Variants in PRKACA observed in about 807,000 individuals in gnomAD.
PRKACA encodes protein kinase cAMP-activated catalytic subunit alpha.
PRKACA carries 9 observed loss-of-function variants against 45.8 expected under a neutral mutation model. That is an observed-to-expected ratio of 0.20 (90% CI 0.12 to 0.34). The LOEUF is 0.34. Ranked by LOEUF, PRKACA falls within the 10% of genes least tolerant of loss-of-function variation. The pLI, the probability that PRKACA is intolerant of heterozygous loss-of-function variation, is 1.00. For missense variants in PRKACA, 238 were observed against 458.6 expected, an observed-to-expected ratio of 0.52 and a Z score of 4.39; for synonymous variants, 160 against 178.6, an observed-to-expected ratio of 0.90 and a Z score of 0.83.
chr19:14,107,680 C>A, intron 1 of PRKACA: 1 of 1,279,924 alleles, frequency 7.8e-7, no homozygotes, highest in Non-Finnish European at 9.9e-7. Flanking sequence ...CCCAGGCAGA[C>A]CAGCCCACCC....
intron 1 of PRKACA, among the ~76,000 whole-genome samples, chr19:14,115,543 G>C (rs1967089105): frequency 6.6e-6 from 1 of 152,144 alleles, no homozygotes; most frequent in Non-Finnish European, 1.5e-5. Context: ...AAAGTCACCA[G>C]AGTAGGTATC....
At position 14,097,116 on chromosome 19, in the gene PRKACA, T is replaced by G; in HGVS notation, c.765+245A>C. ...GGCGGTTTGTGTTCTGTGGCCAAGA[T>G]GTTCCCGTGAGGCTCGGGATTTTGG... On this transcript the variant is annotated intron_variant, in intron 8 of 9. Coordinates refer to ENST00000308677, the MANE Select transcript of PRKACA (RefSeq NM_002730.4). This position sits in a 1 kb window ranked among gnomAD's most constrained non-coding sequence, Gnocchi z 5.4. The G allele has an allele frequency of 1.9e-6, 1 of 539,898 alleles. No homozygotes were observed. The highest frequency in any genetic ancestry group is 2.0e-5 in the South Asian group (1 of 50,308). The allele number at this position is 539,898 out of a possible 1,614,324, so 33.4% of individuals were successfully genotyped here.
In PRKACA at chr19:14,117,559, C is replaced by A; in HGVS notation, c.-12G>T. On this transcript the variant is annotated 5_prime_UTR_variant, in exon 1 of 10. Transcript: ENST00000308677. Reference sequence around the variant, plus strand: ...GCGGCGTTGCCCATCGCGGCGGCGGCGGCCGGGGCCGGTCCCGGAGCTGCG... The same window carrying A: ...GCGGCGTTGCCCATCGCGGCGGCGGAGGCCGGGGCCGGTCCCGGAGCTGCG... The A allele has an allele frequency of 8.5e-7, 1 of 1,170,606 alleles. No individual in the cohort carries two copies. The highest frequency in any genetic ancestry group is 1.1e-6 in the Non-Finnish European group (1 of 948,016). The allele number at this position is 1,170,606 out of a possible 1,614,324, so 72.5% of individuals were successfully genotyped here. A position where few individuals can be genotyped will look rare whatever the true frequency, so the allele number is the denominator to read the frequency against.
intron 2 of PRKACA, among the ~76,000 whole-genome samples, 196 bp from the exon 3 acceptor site, chr19:14,107,084 G>C (rs1168124468): frequency 6.8e-6 from 1 of 147,074 alleles, no homozygotes; most frequent in Middle Eastern, 3.3e-3. Context: ...GCCAGATCCG[G>C]CCCTGGCCTG....
intron 8 of PRKACA, among the ~76,000 whole-genome samples, chr19:14,095,607 C>G (rs1341734680): frequency 1.3e-5 from 2 of 152,086 alleles, no homozygotes; most frequent in East Asian, 3.9e-4. Flanking sequence ...CAACCTCTGT[C>G]TCCCGGGTTC....
At chr19:14,113,195 C>T (rs138485341) in intron 1 of PRKACA, among the ~76,000 whole-genome samples, 66 of 151,914 alleles carry the variant, frequency 4.3e-4, no homozygotes, top group African/African-American at 1.5e-3. Flanking sequence ...CGGAAACGAG[C>T]GGCTAAACCC....
chr19:14,100,306 T>TC, intron 5 of PRKACA, among the ~76,000 whole-genome samples: 1 of 151,264 alleles, frequency 6.6e-6, no homozygotes, highest in Non-Finnish European at 1.5e-5. Context: ...CAACTTCAAT[T>TC]TTTTTTTTTG....
In PRKACA at chr19:14,093,241, G is replaced by A; in HGVS notation, c.931-4C>T. On this transcript the variant is annotated splice_region_variant and splice_polypyrimidine_tract_variant and intron_variant, in intron 9 of 9. Transcript: ENST00000308677. Reference sequence around the variant, plus strand: ...TTGGTATGAAGGGAGCTTCCACCTGGAGAGGGATCAAGAATCACCCAGACC... The same window carrying A: ...TTGGTATGAAGGGAGCTTCCACCTGAAGAGGGATCAAGAATCACCCAGACC... 1.9e-6 allele frequency: 3 copies of A among 1,611,344 alleles called. No homozygotes were observed. Among genetic ancestry groups the A allele is most frequent in the Non-Finnish European group, 2.5e-6 (3 of 1,179,086 alleles).
intron 1 of PRKACA, chr19:14,108,271 T>C (rs1276284910): frequency 9.7e-6 from 5 of 516,170 alleles, no homozygotes; most frequent in Non-Finnish European, 1.2e-5. Context: ...TCAGTTTTCC[T>C]CATCTGTAAA....
chr19:14,095,611 C>T (rs903372330), intron 8 of PRKACA, among the ~76,000 whole-genome samples: 8 of 152,030 alleles, frequency 5.3e-5, no homozygotes, highest in African/African-American at 1.5e-4. Flanking sequence ...CTCTGTCTCC[C>T]GGGTTCAAGC....
At chr19:14,107,809 T>A (rs1599346476) in intron 1 of PRKACA, 7 of 1,000,700 alleles carry the variant, frequency 7.0e-6, no homozygotes, top group Non-Finnish European at 8.3e-6. Flanking sequence ...GGGCCTGGGA[T>A]GGAGGCCTCG....
Position 14,117,623 on chromosome 19 carries a change from G to C in PRKACA, c.-76C>G. 2 of 887,998 alleles carry C rather than the reference G, an allele frequency of 2.3e-6. No homozygotes were observed. The highest frequency in any genetic ancestry group is 2.7e-6 in the Non-Finnish European group (2 of 743,314). The allele number at this position is 887,998 out of a possible 1,614,324, so 55.0% of individuals were successfully genotyped here. A position where few individuals can be genotyped will look rare whatever the true frequency, so the allele number is the denominator to read the frequency against. On this transcript the variant is annotated 5_prime_UTR_variant, in exon 1 of 10. Coordinates refer to ENST00000308677, the MANE Select transcript of PRKACA (RefSeq NM_002730.4). ...TGGCTGCGGCCGGCGGCCCCGGAGCGCGCTGGGCGGCGGCGGCGGCGGCCC... is the reference window on the plus strand; with the variant it reads ...TGGCTGCGGCCGGCGGCCCCGGAGCCCGCTGGGCGGCGGCGGCGGCGGCCC...
At position 14,100,866 on chromosome 19, in the gene PRKACA, C is replaced by T. The variant is rs1254121699; in HGVS notation, c.379G>A (p.Gly127Arg). Reference protein sequence around the residue: ...LYMVMEYVPGGEMFSHLRRIG... With the variant: ...LYMVMEYVPGREMFSHLRRIG... ...CGCCGTAGGTGTGAGAACATCTCCC[C>T]GCCGGGCACGTACTCCATGACCATG... The change falls in exon 5 of 10, where the codon GGG becomes AGG. Residue 127 changes from glycine (G) to arginine (R), a missense_variant. This residue lies in a region of PRKACA where 94 missense variants were observed against 240.9 expected (regional missense o/e 0.39). Transcript: ENST00000308677. The T allele has an allele frequency of 6.2e-7, 1 of 1,614,116 alleles. No individual in the cohort carries two copies. The highest frequency in any genetic ancestry group is 8.5e-7 in the Non-Finnish European group (1 of 1,179,982).
At chr19:14,113,783 C>A (rs1967038102) in intron 1 of PRKACA, among the ~76,000 whole-genome samples, 1 of 144,284 alleles carries the variant, frequency 6.9e-6, no homozygotes. Flanking sequence ...CTGAGCTGGA[C>A]CCCAACACTG....
chr19:14,114,218 G>T (rs1262208590), intron 1 of PRKACA: 1 of 1,584,282 alleles, frequency 6.3e-7, no homozygotes. Flanking sequence ...GAGACCTGCC[G>T]TGTCTGTTCG....
chr19:14,107,217 T>A, intron 2 of PRKACA, 131 bp downstream of exon 2: 1 of 1,013,514 alleles, frequency 9.9e-7, no homozygotes, highest in Non-Finnish European at 1.5e-6. Flanking sequence ...CATGGGCACC[T>A]AGGGAGCAAA....
At chr19:14,104,193 C>T (rs60148706) in intron 3 of PRKACA, among the ~76,000 whole-genome samples, 5,464 of 150,694 alleles carry the variant, frequency 0.036, 335 homozygotes, top group African/African-American at 0.13. Context: ...AAAAATTAGC[C>T]GGGTGTGGTG....
At chr19:14,093,975 T>C (rs191081923) in intron 8 of PRKACA, among the ~76,000 whole-genome samples, 183 bp from the exon 9 acceptor site, 331 of 152,288 alleles carry the variant, frequency 2.2e-3, no homozygotes, top group Non-Finnish European at 3.6e-3. Context: ...AGTCTGATAC[T>C]GTGGCCTGAG....
chr19:14,093,523 G>A, intron 9 of PRKACA, 105 bp downstream of exon 9: 4 of 1,411,498 alleles, frequency 2.8e-6, no homozygotes, highest in Non-Finnish European at 3.9e-6. Flanking sequence ...TCTACTCTAG[G>A]TTGCTCCTGA....
Sources: gnomAD v4.1 joint callset for allele counts (sites outside exome capture counted in the v4.1 genomes callset) on GRCh38, gnomAD v4.1.1 for gene constraint, gnomAD v4.1.1 regional missense constraint, Gnocchi (gnomAD v3.1) non-coding constraint, MANE v1.5 for transcripts, NCBI Gene and HGNC (gene_info 2026-07-23, HGNC 2026-07-21) for gene names.